Variants in STK33 observed in about 807,000 individuals in gnomAD.
STK33 encodes serine/threonine-protein kinase 33.
STK33 carries 52 observed loss-of-function variants against 58.0 expected under a neutral mutation model. The ratio of observed to expected loss-of-function variants is 0.90; its 90% CI spans 0.72 to 1.13. The LOEUF is 1.13. Ranked by LOEUF, STK33 falls within the 50% of genes most tolerant of loss-of-function variation. The pLI, the probability that STK33 is intolerant of heterozygous loss-of-function variation, is 0.00. For missense variants in STK33, 630 were observed against 604.2 expected (o/e 1.04, Z -0.45); for synonymous variants, 215 against 200.1 (o/e 1.07, Z -0.63).
chr11:8,524,725 G>C (rs1005475562), intron 1 of STK33, among the ~76,000 whole-genome samples: 5 of 151,968 alleles, frequency 3.3e-5, no homozygotes, highest in Admixed American at 3.3e-4. Flanking sequence ...AATTGGTTTT[G>C]TTTTACTTCA....
intron 1 of STK33, among the ~76,000 whole-genome samples, chr11:8,499,136 T>A (rs1451087336): frequency 6.6e-6 from 1 of 152,046 alleles, no homozygotes; most frequent in Admixed American, 6.6e-5. Flanking sequence ...ATCCTCAGAG[T>A]GAACAGGCAA....
chr11:8,503,800 A>C (rs1041363281), intron 1 of STK33, among the ~76,000 whole-genome samples: 1 of 152,084 alleles, frequency 6.6e-6, no homozygotes, highest in Non-Finnish European at 1.5e-5. Context: ...ATGATGATTT[A>C]GCCCACTAGG....
In STK33 at chr11:8,460,443, T is replaced by C. The variant is rs1947373331; in HGVS notation, c.558+1362A>G. 2.6e-5 allele frequency among the ~76,000 whole-genome samples: 4 copies of C among 151,922 alleles called. No homozygotes were observed. In the South Asian group the frequency reaches 6.3e-4, roughly 24 times the overall value. On this transcript the variant is annotated intron_variant, in intron 8 of 15. Coordinates refer to ENST00000687296, the MANE Select transcript of STK33 (RefSeq NM_001352389.2). ...TGGAAGAGATTAACAACACATACAA[T>C]ACTACACAGAGAGATTACTGAATTT...
chr11:8,593,063 G>A (rs1329066052), intron 1 of STK33, among the ~76,000 whole-genome samples: 2 of 152,186 alleles, frequency 1.3e-5, no homozygotes, highest in African/African-American at 4.8e-5. Flanking sequence ...GATATGGAAA[G>A]GAAGAAAGTG....
intron 9 of STK33, 140 bp downstream of exon 9, chr11:8,457,201 G>A: frequency 1.4e-6 from 1 of 703,092 alleles, no homozygotes; most frequent in Non-Finnish European, 2.0e-6. Context: ...AGTTAAAAAG[G>A]AAACATTTTT....
At chr11:8,360,169 T>C in the STK33 span, among the ~76,000 whole-genome samples, 2 of 152,250 alleles carry the variant, frequency 1.3e-5, no homozygotes, top group African/African-American at 2.4e-5. Flanking sequence ...GATGGTGGCA[T>C]GACACCCTAC....
At chr11:8,415,642 G>GC (rs1184798253) in intron 14 of STK33, among the ~76,000 whole-genome samples, 3 of 152,060 alleles carry the variant, frequency 2.0e-5, no homozygotes, top group African/African-American at 4.8e-5. Flanking sequence ...CATCACCCAA[G>GC]CATAATCTAG....
intron 1 of STK33, among the ~76,000 whole-genome samples, chr11:8,511,633 T>C (rs1005005046): frequency 1.3e-5 from 2 of 152,208 alleles, no homozygotes; most frequent in Non-Finnish European, 2.9e-5. Flanking sequence ...TTGGCTTTTA[T>C]TACTTTGAGG....
At chr11:8,362,874 C>T in the STK33 span, among the ~76,000 whole-genome samples, 4 of 152,066 alleles carry the variant, frequency 2.6e-5, no homozygotes, top group African/African-American at 9.6e-5. Flanking sequence ...CTCTCTTCCT[C>T]CCTCCCTCCC....
chr11:8,474,688 T>C lies in STK33; in HGVS notation c.218A>G (p.Lys73Arg). ...KNINRDITSRKDLPSRTSNVE... is the reference protein window; with the variant it reads ...KNINRDITSRRDLPSRTSNVE... ...GGAATCTTTGATATTTACCAAATCT[T>C]TCCTGGAGGTTATATCTCTGTTGAT... The change falls in exon 5 of 16, where the codon AAA (lysine) becomes AGA (arginine). Residue 73 changes from lysine to arginine, a missense_variant. Coordinates refer to ENST00000687296, the MANE Select transcript of STK33 (RefSeq NM_001352389.2). 6.2e-7 allele frequency: 1 copy of C among 1,603,750 alleles called. No individual in the cohort carries two copies. Among genetic ancestry groups the C allele is most frequent in the South Asian group, 1.1e-5 (1 of 88,642 alleles).
intron 15 of STK33, among the ~76,000 whole-genome samples, chr11:8,404,897 T>C (rs1214315000): frequency 6.6e-6 from 1 of 152,202 alleles, no homozygotes; most frequent in Non-Finnish European, 1.5e-5. Flanking sequence ...TCCCAGCACT[T>C]TGGGAGGCCA....
At chr11:8,493,750 C>T (rs1407631180) in intron 1 of STK33, among the ~76,000 whole-genome samples, 3 of 152,062 alleles carry the variant, frequency 2.0e-5, no homozygotes, top group Admixed American at 6.6e-5. Flanking sequence ...TTATCCACCA[C>T]GATCAAGTTG....
intron 1 of STK33, among the ~76,000 whole-genome samples, chr11:8,488,308 G>C (rs539081201): frequency 6.6e-6 from 1 of 152,168 alleles, no homozygotes; most frequent in South Asian, 2.1e-4. Context: ...AAAAGAAAAA[G>C]CTGGAAAATT....
Position 8,410,470 on chromosome 11 carries a change from CT to C in STK33, c.1344+3024del, listed in dbSNP as rs11382344. On this transcript the variant is annotated intron_variant, in intron 15 of 15. Transcript: ENST00000687296. ...GCAAAAATCTATTTTCTTTTCTTTT[CT>C]TTTTTTTTTTTTTTTTTCTGAGACA... 4.4e-4 allele frequency among the ~76,000 whole-genome samples: 54 copies of C among 121,824 alleles called. 2 individuals carry two copies. The highest frequency in any genetic ancestry group is 7.7e-4 in the African/African-American group (25 of 32,332). 79.9% of individuals were successfully genotyped at this position (121,824 alleles called of 152,430 possible).
At chr11:8,561,502 C>T (rs1431655720) in intron 1 of STK33, among the ~76,000 whole-genome samples, 1 of 152,050 alleles carries the variant, frequency 6.6e-6, no homozygotes, top group African/African-American at 2.4e-5. Context: ...CTGTTACATA[C>T]TTATTTGATA....
chr11:8,543,310 G>A (rs1955667218), intron 1 of STK33, among the ~76,000 whole-genome samples: 1 of 152,032 alleles, frequency 6.6e-6, no homozygotes, highest in South Asian at 2.1e-4. Flanking sequence ...TTAACTATGG[G>A]AATTAAAACA....
At chr11:8,376,963 G>A in the STK33 span, among the ~76,000 whole-genome samples, 1 of 152,306 alleles carries the variant, frequency 6.6e-6, no homozygotes, top group Admixed American at 6.5e-5. Flanking sequence ...AGGCTCCACT[G>A]TAGAAGCCTT....
At chr11:8,567,095 G>C (rs1429030097) in intron 1 of STK33, among the ~76,000 whole-genome samples, 1 of 152,066 alleles carries the variant, frequency 6.6e-6, no homozygotes, top group Admixed American at 6.6e-5. Context: ...ATCCAAGATC[G>C]AGCCATTGCA....
At chr11:8,392,944 C>T (rs1039892267) in intron 15 of STK33, among the ~76,000 whole-genome samples, 2 of 152,210 alleles carry the variant, frequency 1.3e-5, no homozygotes, top group African/African-American at 4.8e-5. Flanking sequence ...GGCTCAATTT[C>T]GAAACCTCTG....
Sources: allele counts gnomAD v4.1 joint callset (sites outside exome capture counted in the v4.1 genomes callset), GRCh38; gene constraint gnomAD v4.1.1; transcripts MANE v1.5; gene names NCBI Gene and HGNC (gene_info 2026-07-23, HGNC 2026-07-21).